The following SND1 variants were observed in gnomAD, a reference collection of about 807,000 sequenced individuals.
The protein encoded by SND1 is staphylococcal nuclease and tudor domain containing 1.
A neutral mutation model predicts 121.7 loss-of-function variants in SND1; 38 were observed. That is an observed-to-expected ratio of 0.31 (90% CI 0.24 to 0.41). The LOEUF is 0.41. Among genes scored for constraint, SND1 ranks in the 10% least tolerant of loss-of-function variants. The probability of loss-of-function intolerance (pLI) is 1.00; values close to 1 mark genes in which losing one functional copy is unlikely to be tolerated. For missense variants in SND1, 868 were observed against 1,184.6 expected, an observed-to-expected ratio of 0.73 and a Z score of 3.92; for synonymous variants, 401 against 447.4, an observed-to-expected ratio of 0.90 and a Z score of 1.31.
intron 16 of SND1, among the ~76,000 whole-genome samples, chr7:128,055,026 A>G (rs1330996486): frequency 1.3e-5 from 2 of 152,248 alleles, no homozygotes; most frequent in African/African-American, 4.8e-5. Flanking sequence ...ATTGGCCTGC[A>G]GGATGGTTAT....
intron 15 of SND1, among the ~76,000 whole-genome samples, chr7:127,976,007 C>T (rs117065945): frequency 5.9e-4 from 90 of 152,326 alleles, no homozygotes; most frequent in Non-Finnish European, 1.1e-3. Flanking sequence ...GAGATGGCCA[C>T]TGTGGTTTCC....
At chr7:127,784,777 G>A (rs1040530761) in intron 10 of SND1, among the ~76,000 whole-genome samples, 56 of 152,286 alleles carry the variant, frequency 3.7e-4, no homozygotes, top group African/African-American at 1.3e-3. Context: ...ATATAAAAAG[G>A]TTTTATTTAT....
chr7:127,773,722 C>A (rs1200208265), intron 10 of SND1, among the ~76,000 whole-genome samples: 1 of 151,960 alleles, frequency 6.6e-6, no homozygotes, highest in Non-Finnish European at 1.5e-5. Flanking sequence ...TGAATTGTGC[C>A]CTCGCAGAAG....
At chr7:127,971,994 C>A (rs1253390967) in intron 15 of SND1, among the ~76,000 whole-genome samples, 8 of 151,992 alleles carry the variant, frequency 5.3e-5, no homozygotes. Flanking sequence ...AGGCTGGTCT[C>A]GAACTCCTGA....
intron 16 of SND1, among the ~76,000 whole-genome samples, chr7:128,047,798 C>T (rs1462238213): frequency 6.6e-6 from 1 of 152,126 alleles, no homozygotes; most frequent in Non-Finnish European, 1.5e-5. Context: ...AGACTAGTGA[C>T]CCACCTACAA....
At chr7:127,801,326 G>A (rs1468344547) in intron 10 of SND1, among the ~76,000 whole-genome samples, 1 of 152,178 alleles carries the variant, frequency 6.6e-6, no homozygotes, top group African/African-American at 2.4e-5. Context: ...CAATTATCAA[G>A]TTATACTTTT....
chr7:127,675,746 A>G (rs1481661812), intron 1 of SND1, among the ~76,000 whole-genome samples: 3 of 152,180 alleles, frequency 2.0e-5, no homozygotes, highest in Non-Finnish European at 1.5e-5. Flanking sequence ...TGATAAGTTA[A>G]CACATAACTG....
At position 128,011,540 on chromosome 7, in the gene SND1, G is replaced by C. The variant is rs564341972; in HGVS notation, c.1779+20484G>C. On this transcript the variant is annotated intron_variant, in intron 16 of 23. Transcript: ENST00000354725. Reference sequence around the variant, plus strand: ...TCAGGGGCTAAAGGACATTCGCAGAGCTTGCTTCAGATCCCAGAGCAGGAT... The same window carrying C: ...TCAGGGGCTAAAGGACATTCGCAGACCTTGCTTCAGATCCCAGAGCAGGAT... Among the ~76,000 whole-genome samples, 2 of 152,326 alleles carry C rather than the reference G, an allele frequency of 1.3e-5. 1 individual carries two copies. Among genetic ancestry groups the C allele is most frequent in the South Asian group, 4.1e-4 (2 of 4,828 alleles).
intron 14 of SND1, among the ~76,000 whole-genome samples, chr7:127,919,868 T>C (rs7785596): frequency 0.22 from 33,771 of 152,122 alleles, 4,232 homozygotes; most frequent in Middle Eastern, 0.33. Context: ...AAATTGGATG[T>C]TTACGATTTG....
chr7:127,899,920 C>T (rs902341983), intron 13 of SND1, among the ~76,000 whole-genome samples: 1 of 152,096 alleles, frequency 6.6e-6, no homozygotes, highest in African/African-American at 2.4e-5. Context: ...GGCTGCTTAC[C>T]AGGAAAGCAT....
chr7:127,749,954 G>A (rs1337749583), intron 10 of SND1, among the ~76,000 whole-genome samples: 1 of 152,130 alleles, frequency 6.6e-6, no homozygotes, highest in African/African-American at 2.4e-5. Flanking sequence ...ACACATAGAC[G>A]CCAGGCTTGG....
chr7:127,817,331 G>C (rs1489230558), intron 11 of SND1, among the ~76,000 whole-genome samples: 3 of 152,188 alleles, frequency 2.0e-5, no homozygotes, highest in Middle Eastern at 6.8e-3. Flanking sequence ...GTATTTAATG[G>C]TCTCAGCTTC....
intron 15 of SND1, among the ~76,000 whole-genome samples, chr7:127,970,971 T>A (rs1239687904): frequency 1.3e-5 from 2 of 150,848 alleles, no homozygotes; most frequent in Non-Finnish European, 2.9e-5. Flanking sequence ...ATAAATGTTT[T>A]AAAAAATAAA....
Position 128,052,107 on chromosome 7 carries a change from G to A in SND1, c.1780-22395G>A, listed in dbSNP as rs1793056671. Among the ~76,000 whole-genome samples the A allele has an allele frequency of 6.6e-6, 1 of 152,186 alleles. No homozygotes were observed. Among genetic ancestry groups the A allele is most frequent in the African/African-American group, 2.4e-5 (1 of 41,430 alleles). ...GTGTAAGGATGACATTTGCTTTGGG[G>A]AGGAAGCATTGGGACAGATGACCTT... On this transcript the variant is annotated intron_variant, in intron 16 of 23. Coordinates refer to ENST00000354725, the MANE Select transcript of SND1 (RefSeq NM_014390.4). This position sits in a 1 kb window ranked among gnomAD's most constrained non-coding sequence, Gnocchi z 4.6.
At chr7:127,874,444 G>A (rs145251172) in intron 12 of SND1, among the ~76,000 whole-genome samples, 2,247 of 152,202 alleles carry the variant, frequency 0.015, 20 homozygotes, top group Non-Finnish European at 0.025. Flanking sequence ...CTTGAGTCCA[G>A]AGTCTAGGAC....
chr7:127,741,328 G>T (rs781426597), intron 10 of SND1, among the ~76,000 whole-genome samples: 5 of 152,148 alleles, frequency 3.3e-5, no homozygotes, highest in Non-Finnish European at 5.9e-5. Flanking sequence ...CTTAAATATT[G>T]AATGTGATTT....
chr7:127,816,381 A>G (rs559158946), intron 11 of SND1, among the ~76,000 whole-genome samples: 2 of 152,148 alleles, frequency 1.3e-5, no homozygotes, highest in Non-Finnish European at 2.9e-5. Context: ...CTGTGCAGGA[A>G]TTTTCTTCAG....
Position 128,029,161 on chromosome 7 carries a change from G to A in SND1, c.1779+38105G>A. 6 of 1,614,138 alleles carry A rather than the reference G, an allele frequency of 3.7e-6. No homozygotes were observed. Among genetic ancestry groups the A allele is most frequent in the Non-Finnish European group, 5.1e-6 (6 of 1,180,030 alleles). ...TTGGGCACACGGGTAGTCTGAATGA[G>A]CACCGTGGTAGAGGTGGTATATGCC... On this transcript the variant is annotated intron_variant, in intron 16 of 23. Transcript: ENST00000354725. This position sits in a 1 kb window ranked among gnomAD's most constrained non-coding sequence, Gnocchi z 4.2.
At chr7:127,817,445 T>C (rs1798464638) in intron 11 of SND1, among the ~76,000 whole-genome samples, 1 of 152,178 alleles carries the variant, frequency 6.6e-6, no homozygotes, top group African/African-American at 2.4e-5. Context: ...TCTTGCAGAT[T>C]ACTATCACAA....
Sources: allele counts gnomAD v4.1 joint callset (sites outside exome capture counted in the v4.1 genomes callset), GRCh38; gene constraint gnomAD v4.1.1; non-coding constraint Gnocchi (gnomAD v3.1); transcripts MANE v1.5; gene names NCBI Gene and HGNC (gene_info 2026-07-23, HGNC 2026-07-21).